OR7C2: variants seen among roughly 807,000 people sequenced by gnomAD.
The protein encoded by OR7C2 is olfactory receptor family 7 subfamily C member 2.
For missense variants in OR7C2, 374 were observed against 387.4 expected (o/e 0.97, Z 0.29); for synonymous variants, 160 against 157.7 (o/e 1.01, Z -0.11).
At position 14,941,723 on chromosome 19, in the gene OR7C2, C is replaced by G. The variant is rs1484360632; in HGVS notation, c.235C>G (p.Pro79Ala). Residue 79 changes from proline (P) to alanine (A), a missense_variant, in exon 1 of 1, where the codon CCA (proline) becomes GCA (alanine). By Grantham distance (27) the Pro-to-Ala change is conservative. Transcript: ENST00000248072. Reference protein sequence around the residue: ...ADICFTSTTVPKMLVNIQTQS... With the variant: ...ADICFTSTTVAKMLVNIQTQS... Reference sequence around the variant, plus strand: ...CATCTGTTTCACATCCACGACTGTCCCAAAGATGCTGGTGAATATCCAAAC... The same window carrying G: ...CATCTGTTTCACATCCACGACTGTCGCAAAGATGCTGGTGAATATCCAAAC... 4.3e-6 allele frequency: 7 copies of G among 1,614,066 alleles called. No homozygotes were observed. The highest frequency in any genetic ancestry group is 5.9e-6 in the Non-Finnish European group (7 of 1,180,046).
At position 14,942,349 on chromosome 19, in the gene OR7C2, C is replaced by T; in HGVS notation, c.861C>T (p.Phe287=). ...TGGTCACCCCCATGCTGAACCCCTT[C>T]ATCTACAGCCTGAGGAACAAGGACA... ...YTMVTPMLNP[F]IYSLRNKDMK... is the part of the protein sequence containing the mutation. The change falls in exon 1 of 1, where the codon TTC becomes TTT. Residue 287 remains phenylalanine, a synonymous_variant. Coordinates refer to ENST00000248072, the MANE Select transcript of OR7C2 (RefSeq NM_012377.1). 1 of 1,614,156 alleles carries T rather than the reference C, an allele frequency of 6.2e-7. No individual in the cohort carries two copies. Among genetic ancestry groups the T allele is most frequent in the Non-Finnish European group, 8.5e-7 (1 of 1,180,026 alleles).
chr19:14,941,679 C>A lies in OR7C2; in HGVS notation c.191C>A (p.Ser64Tyr). The change falls in exon 1 of 1, where the codon TCC becomes TAC. Residue 64 changes from serine to tyrosine, a missense_variant. Ser to Tyr is a moderately radical substitution (Grantham distance 144). Coordinates refer to ENST00000248072, the MANE Select transcript of OR7C2 (RefSeq NM_012377.1). Reference protein sequence around the residue: ...HLHTPMYFFLSNLSFADICFT... With the variant: ...HLHTPMYFFLYNLSFADICFT... Reference sequence around the variant, plus strand: ...CACACCCCCATGTACTTCTTCCTCTCCAACCTGTCCTTTGCTGACATCTGT... The same window carrying A: ...CACACCCCCATGTACTTCTTCCTCTACAACCTGTCCTTTGCTGACATCTGT... The A allele has an allele frequency of 6.2e-7, 1 of 1,614,174 alleles. No individual in the cohort carries two copies. The highest frequency in any genetic ancestry group is 8.5e-7 in the Non-Finnish European group (1 of 1,180,036).
In OR7C2 at chr19:14,941,872, C is replaced by T. The variant is rs764963493; in HGVS notation, c.384C>T (p.Tyr128=). ...TAYDRFVAIC[Y]PLHYTVIMNP... is the part of the protein sequence containing the mutation. ...ATGACCGCTTCGTGGCCATCTGTTA[C>T]CCCCTGCACTACACGGTCATCATGA... The change falls in exon 1 of 1, where the codon TAC becomes TAT. Residue 128 remains tyrosine (Y), a synonymous_variant. Coordinates refer to ENST00000248072, the MANE Select transcript of OR7C2 (RefSeq NM_012377.1). 2 of 1,614,094 alleles carry T rather than the reference C, an allele frequency of 1.2e-6. No individual in the cohort carries two copies. Among genetic ancestry groups the T allele is most frequent in the East Asian group, 2.2e-5 (1 of 44,888 alleles).
rs200365222 is a variant in OR7C2 at position 14,941,904 on chromosome 19, G to A, written c.416G>A (p.Arg139Gln). The change falls in exon 1 of 1, where the codon CGG becomes CAG. Residue 139 changes from arginine to glutamine, a missense_variant. By Grantham distance (43) the Arg-to-Gln change is conservative (BLOSUM62 1). Coordinates refer to ENST00000248072, the MANE Select transcript of OR7C2 (RefSeq NM_012377.1). Reference protein sequence around the residue: ...PLHYTVIMNPRLCGLLVLGSW... With the variant: ...PLHYTVIMNPQLCGLLVLGSW... ...CACTACACGGTCATCATGAACCCCC[G>A]GCTCTGTGGACTGCTGGTTCTGGGG... is the stretch of plus-strand genomic sequence containing the variant. 8 of 1,613,848 alleles carry A rather than the reference G, an allele frequency of 5.0e-6. No homozygotes were observed. The Admixed American group carries it at 5.0e-5, about 10-fold the overall frequency.
chr19:14,942,034 C>T lies in OR7C2; in HGVS notation c.546C>T (p.Ser182=), dbSNP rs753575134. 13 of 1,613,968 alleles carry T rather than the reference C, an allele frequency of 8.1e-6. No homozygotes were observed. The highest frequency in any genetic ancestry group is 1.1e-5 in the South Asian group (1 of 91,078). ...TTCCGCACTTTTTTTGTGATCCTTC[C>T]GAAGTCCTGAAGCTGGCCTGTTCTG... The part of the protein sequence containing the change: ...MEIPHFFCDP[S]EVLKLACSDT... The change falls in exon 1 of 1, where the codon TCC becomes TCT. Residue 182 remains serine, a synonymous_variant. Transcript: ENST00000248072.
At position 14,942,087 on chromosome 19, in the gene OR7C2, A is replaced by G. The variant is rs373686025; in HGVS notation, c.599A>G (p.Tyr200Cys). Residue 200 changes from tyrosine to cysteine, a missense_variant, in exon 1 of 1, where the codon TAT (tyrosine) becomes TGT (cysteine). By Grantham distance (194) the Tyr-to-Cys change is radical. Coordinates refer to ENST00000248072, the MANE Select transcript of OR7C2 (RefSeq NM_012377.1). The part of the protein sequence containing the change: ...SDTFINNIVM[Y>C]FVTIVLGVFP... ...ACCTTCATCAATAACATCGTGATGT[A>G]TTTTGTGACCATTGTCCTGGGTGTT... The G allele has an allele frequency of 6.2e-7, 1 of 1,614,068 alleles. No individual in the cohort carries two copies. The highest frequency in any genetic ancestry group is 8.5e-7 in the Non-Finnish European group (1 of 1,180,006).
At position 14,941,537 on chromosome 19, in the gene OR7C2, T is replaced by C; in HGVS notation, c.49T>C (p.Phe17Leu). ...AGTTGGAAACTTTCTCCTCCTGGGA[T>C]TCGCAGAGGACTCTGACATGCAGCT... ...TEVGNFLLLGFAEDSDMQLLL... is the reference protein window; with the variant it reads ...TEVGNFLLLGLAEDSDMQLLL... Residue 17 changes from phenylalanine (F) to leucine (L), a missense_variant, in exon 1 of 1, where the codon TTC becomes CTC. Physicochemically the swap from Phe to Leu is conservative, Grantham distance 22 (BLOSUM62 0). Transcript: ENST00000248072. The C allele has an allele frequency of 6.3e-7, 1 of 1,598,464 alleles. No individual in the cohort carries two copies. The highest frequency in any genetic ancestry group is 8.6e-7 in the Non-Finnish European group (1 of 1,169,460).
rs751737483 is a variant in OR7C2, at chr19:14,941,720, G to A, written c.232G>A (p.Val78Ile). 7.6e-5 allele frequency: 122 copies of A among 1,614,002 alleles called. No individual in the cohort carries two copies. The highest frequency in any genetic ancestry group is 2.7e-5 in the African/African-American group (2 of 74,882). Reference sequence around the variant, plus strand: ...TGACATCTGTTTCACATCCACGACTGTCCCAAAGATGCTGGTGAATATCCA... The same window carrying A: ...TGACATCTGTTTCACATCCACGACTATCCCAAAGATGCTGGTGAATATCCA... ...FADICFTSTTVPKMLVNIQTQ... is the reference protein window; with the variant it reads ...FADICFTSTTIPKMLVNIQTQ... Residue 78 changes from valine (V) to isoleucine (I), a missense_variant, in exon 1 of 1, where the codon GTC (valine) becomes ATC (isoleucine). Val to Ile is a conservative substitution (Grantham distance 29). Coordinates refer to ENST00000248072, the MANE Select transcript of OR7C2 (RefSeq NM_012377.1).
Position 14,941,891 on chromosome 19 carries a change from A to G in OR7C2, c.403A>G (p.Ile135Val), listed in dbSNP as rs756366624. ...AICYPLHYTVIMNPRLCGLLV... is the reference protein window; with the variant it reads ...AICYPLHYTVVMNPRLCGLLV... ...CTGTTACCCCCTGCACTACACGGTC[A>G]TCATGAACCCCCGGCTCTGTGGACT... The change falls in exon 1 of 1, where the codon ATC becomes GTC. Residue 135 changes from isoleucine (I) to valine (V), a missense_variant. Coordinates refer to ENST00000248072, the MANE Select transcript of OR7C2 (RefSeq NM_012377.1). 4.2e-5 allele frequency: 68 copies of G among 1,614,010 alleles called. No individual in the cohort carries two copies. The highest frequency in any genetic ancestry group is 5.7e-5 in the Non-Finnish European group (67 of 1,180,024).
Position 14,941,963 on chromosome 19 carries a change from G to A in OR7C2, c.475G>A (p.Glu159Lys). ...WCISVMGSLL[E>K]TLTILRLSFC... is the part of the protein sequence containing the mutation. The stretch of plus-strand genomic sequence containing the variant: ...CATCAGTGTCATGGGTTCCTTGCTT[G>A]AGACCTTGACCATTTTGAGGCTGTC... The change falls in exon 1 of 1, where the codon GAG becomes AAG. Residue 159 changes from glutamate to lysine, a missense_variant. Physicochemically the swap from Glu to Lys is moderately conservative, Grantham distance 56 (BLOSUM62 1). Transcript: ENST00000248072. The A allele has an allele frequency of 1.2e-6, 2 of 1,614,086 alleles. No homozygotes were observed. Among genetic ancestry groups the A allele is most frequent in the Non-Finnish European group, 1.7e-6 (2 of 1,180,024 alleles).
At position 14,942,307 on chromosome 19, in the gene OR7C2, C is replaced by T. The variant is rs1301101120; in HGVS notation, c.819C>T (p.Ala273=). The part of the protein sequence containing the change: ...VTPPSRTSLA[A]SVMYTMVTPM... ...CACCTTCTAGGACAAGTCTGGCAGC[C>T]TCGGTGATGTACACCATGGTCACCC... is the stretch of plus-strand genomic sequence containing the variant. The change falls in exon 1 of 1, where the codon GCC becomes GCT. Residue 273 remains alanine (A), a synonymous_variant. Transcript: ENST00000248072. The T allele has an allele frequency of 6.2e-7, 1 of 1,614,182 alleles. No homozygotes were observed. The highest frequency in any genetic ancestry group is 1.1e-5 in the South Asian group (1 of 91,078).
chr19:14,941,601 C>A lies in OR7C2; in HGVS notation c.113C>A (p.Thr38Asn). ...HGLFLSMYLV[T>N]IIGNLLIILT... The stretch of plus-strand genomic sequence containing the variant: ...CTGTTCCTCTCCATGTACCTGGTTA[C>A]CATCATCGGAAACCTGCTCATCATC... The change falls in exon 1 of 1, where the codon ACC becomes AAC. Residue 38 changes from threonine to asparagine, a missense_variant. Transcript: ENST00000248072. The A allele has an allele frequency of 6.2e-7, 1 of 1,614,086 alleles. No individual in the cohort carries two copies. The highest frequency in any genetic ancestry group is 8.5e-7 in the Non-Finnish European group (1 of 1,180,018).
rs779734916 is a variant in OR7C2 at position 14,942,105 on chromosome 19, T to A, written c.617T>A (p.Leu206Gln). The A allele has an allele frequency of 5.6e-6, 9 of 1,614,084 alleles. No individual in the cohort carries two copies. Among genetic ancestry groups the A allele is most frequent in the Non-Finnish European group, 7.6e-6 (9 of 1,180,046 alleles). Residue 206 changes from leucine to glutamine, a missense_variant, in exon 1 of 1, where the codon CTG (leucine) becomes CAG (glutamine). Transcript: ENST00000248072. ...GTGATGTATTTTGTGACCATTGTCC[T>A]GGGTGTTTTTCCTCTCTGTGGAATC... ...NIVMYFVTIV[L>Q]GVFPLCGILF...
Position 14,942,298 on chromosome 19 carries a change from T to A in OR7C2, c.810T>A (p.Ser270Arg), listed in dbSNP as rs776618969. The A allele has an allele frequency of 1.2e-5, 20 of 1,614,054 alleles. No homozygotes were observed. The Admixed American group carries it at 3.2e-4, about 26-fold the overall frequency. ...SSAVTPPSRTSLAASVMYTMV... is the reference protein window; with the variant it reads ...SSAVTPPSRTRLAASVMYTMV... ...CAGTTACACCACCTTCTAGGACAAG[T>A]CTGGCAGCCTCGGTGATGTACACCA... The change falls in exon 1 of 1, where the codon AGT becomes AGA. Residue 270 changes from serine to arginine, a missense_variant. Transcript: ENST00000248072.
Position 14,942,410 on chromosome 19 carries a change from A to G in OR7C2, c.922A>G (p.Thr308Ala), listed in dbSNP as rs1288347177. The change falls in exon 1 of 1, where the codon ACG (threonine) becomes GCG (alanine). Residue 308 changes from threonine to alanine, a missense_variant. Thr to Ala is a moderately conservative substitution (Grantham distance 58). Transcript: ENST00000248072. ...ACTGGGGAGACTCCTCCTCAGGGCA[A>G]CGTCTCTCAAAGAGGGGACCATTGC... The part of the protein sequence containing the change: ...GSLGRLLLRA[T>A]SLKEGTIAKL... 1.2e-6 allele frequency: 2 copies of G among 1,613,878 alleles called. No individual in the cohort carries two copies. The highest frequency in any genetic ancestry group is 1.7e-5 in the Admixed American group (1 of 59,984).
In OR7C2 at chr19:14,941,831, C is replaced by G; in HGVS notation, c.343C>G (p.Leu115Val). 6.2e-7 allele frequency: 1 copy of G among 1,614,098 alleles called. No homozygotes were observed. Among genetic ancestry groups the G allele is most frequent in the Non-Finnish European group, 8.5e-7 (1 of 1,180,034 alleles). The change falls in exon 1 of 1, where the codon CTG (leucine) becomes GTG (valine). Residue 115 changes from leucine (L) to valine (V), a missense_variant. Physicochemically the swap from Leu to Val is conservative, Grantham distance 32. Coordinates refer to ENST00000248072, the MANE Select transcript of OR7C2 (RefSeq NM_012377.1). Reference sequence around the variant, plus strand: ...ATTTGGATGCCTGGACAATTTGCTCCTGACCATGACGGCCTATGACCGCTT... The same window carrying G: ...ATTTGGATGCCTGGACAATTTGCTCGTGACCATGACGGCCTATGACCGCTT... ...IAFGCLDNLLLTMTAYDRFVA... is the reference protein window; with the variant it reads ...IAFGCLDNLLVTMTAYDRFVA...
chr19:14,942,218 C>G lies in OR7C2; in HGVS notation c.730C>G (p.Leu244Val). ...AGCCTTTTCCACCTGTGGTTCCCACCTCTCAGTGGTCAGCTTGTTCTATGG... is the reference window on the plus strand; with the variant it reads ...AGCCTTTTCCACCTGTGGTTCCCACGTCTCAGTGGTCAGCTTGTTCTATGG... ...HKAFSTCGSH[L>V]SVVSLFYGTG... The change falls in exon 1 of 1, where the codon CTC becomes GTC. Residue 244 changes from leucine (L) to valine (V), a missense_variant. Transcript: ENST00000248072. The G allele has an allele frequency of 1.2e-6, 2 of 1,614,152 alleles. No individual in the cohort carries two copies. Among genetic ancestry groups the G allele is most frequent in the South Asian group, 2.2e-5 (2 of 91,068 alleles).
Position 14,942,148 on chromosome 19 carries a change from G to T in OR7C2, c.660G>T (p.Gln220His), listed in dbSNP as rs372176980. 4 of 1,575,146 alleles carry T rather than the reference G, an allele frequency of 2.5e-6. No individual in the cohort carries two copies. In the African/African-American group the frequency reaches 4.8e-5, roughly 19 times the overall value. ...GTGGAATCCTATTCTCTTATTCTCA[G>T]ATTTTCTCCTCCGTCCTAAGAGTAT... is the stretch of plus-strand genomic sequence containing the variant. ...PLCGILFSYS[Q>H]IFSSVLRVSA... The change falls in exon 1 of 1, where the codon CAG becomes CAT. Residue 220 changes from glutamine to histidine, a missense_variant. Physicochemically the swap from Gln to His is conservative, Grantham distance 24. Transcript: ENST00000248072.
Position 14,941,728 on chromosome 19 carries a change from G to A in OR7C2, c.240G>A (p.Lys80=). The A allele has an allele frequency of 6.2e-7, 1 of 1,614,176 alleles. No individual in the cohort carries two copies. The highest frequency in any genetic ancestry group is 8.5e-7 in the Non-Finnish European group (1 of 1,180,040). Residue 80 remains lysine (K), a synonymous_variant, in exon 1 of 1, where the codon AAG becomes AAA. Transcript: ENST00000248072. ...GTTTCACATCCACGACTGTCCCAAA[G>A]ATGCTGGTGAATATCCAAACACAAA... The part of the protein sequence containing the change: ...DICFTSTTVP[K]MLVNIQTQSK...
Sources: allele counts gnomAD v4.1 joint callset, GRCh38; gene constraint gnomAD v4.1.1; transcripts MANE v1.5; gene names NCBI Gene and HGNC (gene_info 2026-07-23, HGNC 2026-07-21).